Variants in RBMS3 observed in about 807,000 individuals in gnomAD.
RBMS3 encodes RNA binding motif single stranded interacting protein 3.
In RBMS3, 27 loss-of-function variants were observed where a neutral mutation model predicts 66.8. That is an observed-to-expected ratio of 0.40 (90% CI 0.30 to 0.56). The LOEUF (loss-of-function observed/expected upper bound fraction) is 0.56. Ranked by LOEUF, RBMS3 falls within the 20% of genes least tolerant of loss-of-function variation. The pLI is 0.40. For missense variants in RBMS3, 513 were observed against 549.5 expected (o/e 0.93, Z 0.66); for synonymous variants, 188 against 183.0 (o/e 1.03, Z -0.22).
At chr3:29,387,432 A>C (rs1336495980) in intron 1 of RBMS3, among the ~76,000 whole-genome samples, 5 of 152,202 alleles carry the variant, frequency 3.3e-5, no homozygotes, top group South Asian at 2.1e-4. Context: ...AGAATTTTTC[A>C]GCAAATATCA....
chr3:29,717,191 A>G (rs189348451), intron 4 of RBMS3, among the ~76,000 whole-genome samples: 3 of 152,180 alleles, frequency 2.0e-5, no homozygotes, highest in East Asian at 1.9e-4. Flanking sequence ...GGGGCTAAAT[A>G]TAAGTATTAA....
At chr3:29,715,133 T>C (rs1217219885) in intron 4 of RBMS3, among the ~76,000 whole-genome samples, 1 of 152,182 alleles carries the variant, frequency 6.6e-6, no homozygotes, top group Non-Finnish European at 1.5e-5. Flanking sequence ...GAAGGTGATT[T>C]CCCTGTCCTT....
At chr3:29,376,932 C>CA (rs764435328) in intron 1 of RBMS3, among the ~76,000 whole-genome samples, 41 of 149,908 alleles carry the variant, frequency 2.7e-4, no homozygotes, top group Non-Finnish European at 4.7e-4. Flanking sequence ...CAACAAAATA[C>CA]AAAAAAATTA....
chr3:29,303,928 A>G (rs1436920571), intron 1 of RBMS3, among the ~76,000 whole-genome samples: 3 of 151,956 alleles, frequency 2.0e-5, no homozygotes, highest in Non-Finnish European at 2.9e-5. Flanking sequence ...AATGAGGAAG[A>G]TGCAAAAGCG....
intron 1 of RBMS3, among the ~76,000 whole-genome samples, chr3:29,350,937 G>A (rs1172275530): frequency 6.6e-6 from 1 of 151,706 alleles, no homozygotes; most frequent in Non-Finnish European, 1.5e-5. Flanking sequence ...GACATCTTCT[G>A]TGCCATTTTC....
intron 1 of RBMS3, among the ~76,000 whole-genome samples, chr3:29,416,407 C>G (rs771869668): frequency 2.6e-5 from 4 of 152,226 alleles, no homozygotes; most frequent in Non-Finnish European, 5.9e-5. Context: ...AAATTTAGAT[C>G]CCACAAGATC....
intron 1 of RBMS3, among the ~76,000 whole-genome samples, chr3:29,401,473 C>T (rs560739405): frequency 6.6e-6 from 1 of 152,166 alleles, no homozygotes; most frequent in African/African-American, 2.4e-5. Flanking sequence ...ACCTCTTCAT[C>T]ATGAGAAGAT....
chr3:29,583,668 A>G (rs1274846994), intron 3 of RBMS3, among the ~76,000 whole-genome samples: 1 of 152,020 alleles, frequency 6.6e-6, no homozygotes, highest in Non-Finnish European at 1.5e-5. Context: ...GTTTCTAGAT[A>G]CGCCCACCCT....
intron 1 of RBMS3, among the ~76,000 whole-genome samples, chr3:29,430,062 G>T (rs1021673922): frequency 6.6e-6 from 1 of 152,000 alleles, no homozygotes; most frequent in Admixed American, 6.6e-5. Context: ...CTGTGCATTT[G>T]TCAGGCATTC....
At chr3:29,514,882 C>A (rs1443193055) in intron 3 of RBMS3, among the ~76,000 whole-genome samples, 1 of 151,560 alleles carries the variant, frequency 6.6e-6, no homozygotes, top group Non-Finnish European at 1.5e-5. Flanking sequence ...GTACTTTATG[C>A]ATGTCAGATT....
chr3:29,340,692 A>G (rs2036232078), intron 1 of RBMS3, among the ~76,000 whole-genome samples: 2 of 152,138 alleles, frequency 1.3e-5, no homozygotes, highest in African/African-American at 4.8e-5. Flanking sequence ...TTACTGTAAA[A>G]TCCCCTAAAA....
At chr3:29,886,931 A>G (rs1386990858) in intron 8 of RBMS3, among the ~76,000 whole-genome samples, 5 of 151,836 alleles carry the variant, frequency 3.3e-5, no homozygotes, top group African/African-American at 9.7e-5. Context: ...AGTGGCCATC[A>G]AAGAATCCTA....
intron 1 of RBMS3, among the ~76,000 whole-genome samples, chr3:29,378,492 A>G (rs932447463): frequency 6.2e-5 from 2 of 32,372 alleles, no homozygotes; most frequent in Non-Finnish European, 1.9e-4. Context: ...AACATTAAAA[A>G]AAAAAACAAA....
At chr3:29,740,649 C>G (rs1192461990) in intron 5 of RBMS3, among the ~76,000 whole-genome samples, 10 of 152,134 alleles carry the variant, frequency 6.6e-5, no homozygotes, top group Admixed American at 6.5e-4. Context: ...AGTCTTGTCT[C>G]TATGGCTTGG....
chr3:29,338,223 C>A (rs914271667), intron 1 of RBMS3, among the ~76,000 whole-genome samples: 1 of 151,932 alleles, frequency 6.6e-6, no homozygotes, highest in Non-Finnish European at 1.5e-5. Flanking sequence ...TTTCATATGC[C>A]AGTTATAAAG....
intron 14 of RBMS3, among the ~76,000 whole-genome samples, chr3:29,994,516 A>T (rs566047967): frequency 3.3e-5 from 5 of 152,240 alleles, no homozygotes; most frequent in Non-Finnish European, 7.3e-5. Flanking sequence ...ACCTCTGCAG[A>T]CTTAAATGTC....
At chr3:29,987,995 G>C in intron 12 of RBMS3, 148 bp from the exon 13 acceptor site, 1 of 618,060 alleles carries the variant, frequency 1.6e-6, no homozygotes. Flanking sequence ...ACAGAGAGGA[G>C]CTGCCTTATT....
chr3:29,899,965 A>G (rs2060215219), intron 10 of RBMS3, among the ~76,000 whole-genome samples: 1 of 151,540 alleles, frequency 6.6e-6, no homozygotes, highest in African/African-American at 2.4e-5. Context: ...TCAGATAAAG[A>G]GAGAGGGTGA....
chr3:29,476,361 A>G (rs542936050), intron 2 of RBMS3, among the ~76,000 whole-genome samples: 1 of 152,306 alleles, frequency 6.6e-6, no homozygotes, highest in Admixed American at 6.5e-5. Context: ...CACCTACCTC[A>G]CCACCAGTAA....
Sources: gnomAD v4.1 joint callset for allele counts (sites outside exome capture counted in the v4.1 genomes callset) on GRCh38, gnomAD v4.1.1 for gene constraint, MANE v1.5 for transcripts, NCBI Gene and HGNC (gene_info 2026-07-23, HGNC 2026-07-21) for gene names.